The following LAMA3 variants were observed in gnomAD, a reference collection of about 807,000 sequenced individuals.
LAMA3 encodes laminin subunit alpha-3.
In LAMA3, 281 loss-of-function variants were observed where a neutral mutation model predicts 402.0. That is an observed-to-expected ratio of 0.70 (90% confidence interval 0.63 to 0.77). The LOEUF is 0.77. LAMA3 is among the 30% of genes least tolerant of loss of function. LAMA3 has a pLI of 0.00. For synonymous variants in LAMA3, 1,431 were observed against 1,558.4 expected, an observed-to-expected ratio of 0.92 and a Z score of 1.93; for missense variants, 3,840 against 4,215.5, an observed-to-expected ratio of 0.91 and a Z score of 2.47.
At chr18:23,930,325 A>C (rs1335603358) in intron 64 of LAMA3, among the ~76,000 whole-genome samples, 1 of 152,250 alleles carries the variant, frequency 6.6e-6, no homozygotes, top group Non-Finnish European at 1.5e-5. Flanking sequence ...AAAAATTTAT[A>C]ATGACTGAAG....
At chr18:23,800,656 C>A (rs1003767181) in intron 12 of LAMA3, among the ~76,000 whole-genome samples, 3 of 152,130 alleles carry the variant, frequency 2.0e-5, no homozygotes, top group Non-Finnish European at 4.4e-5. Context: ...AGTTTCATAT[C>A]CATTAAGCAA....
rs201837968 is a variant in LAMA3 at position 23,912,383 on chromosome 18, CA to C, written c.7159-323del. On this transcript the variant is annotated intron_variant, in intron 55 of 74. Transcript: ENST00000313654. ...CTCCATAGATGTTAGTTCATCTGCA[CA>C]AAAACCTTCTAGGGTTGTAATTCAT... Among the ~76,000 whole-genome samples the C allele has an allele frequency of 6.7e-3, 1,021 of 152,112 alleles. 8 individuals are homozygous for C. The highest frequency in any genetic ancestry group is 0.01 in the Non-Finnish European group (702 of 67,976).
intron 1 of LAMA3, among the ~76,000 whole-genome samples, chr18:23,701,200 T>C (rs954540953): frequency 2.0e-5 from 3 of 152,192 alleles, no homozygotes; most frequent in African/African-American, 7.2e-5. Context: ...AACTCTCACT[T>C]CCTTTTTCCT....
In LAMA3 at chr18:23,751,108, G is replaced by GTTTTGTTACTTTA. The variant is rs1555684371; in HGVS notation, c.855+24_855+36dup. On this transcript the variant is annotated intron_variant, in intron 5 of 74. Transcript: ENST00000313654. ...CGGCGGGTGAGTAGTCAGAGCATTTGTTTTGTTACTTTATTTATTCATTTT... is the reference window on the plus strand; with the variant it reads ...CGGCGGGTGAGTAGTCAGAGCATTTGTTTTGTTACTTTATTTTGTTACTTTATTTATTCATTTT... The GTTTTGTTACTTTA allele has an allele frequency of 1.9e-6, 3 of 1,613,658 alleles. No individual in the cohort carries two copies. Among genetic ancestry groups the GTTTTGTTACTTTA allele is most frequent in the Non-Finnish European group, 2.5e-6 (3 of 1,179,666 alleles).
rs767473829 is a variant in LAMA3 at position 23,781,291 on chromosome 18, G to A, written c.1469-2732G>A. ...ACCTTGTATGGCAGCTGTGATGGAC[G>A]GACAGGGTGGTGCTCATGCCATCCT... On this transcript the variant is annotated intron_variant, in intron 11 of 74. Coordinates refer to ENST00000313654, the MANE Select transcript of LAMA3 (RefSeq NM_198129.4). 3.9e-5 allele frequency: 18 copies of A among 456,054 alleles called. 1 individual carries two copies. The highest frequency in any genetic ancestry group is 6.2e-5 in the Non-Finnish European group (14 of 226,870). The allele number at this position is 456,054 out of a possible 1,614,324, so 28.3% of individuals were successfully genotyped here.
chr18:23,951,318 C>T (rs1173977806), intron 72 of LAMA3, among the ~76,000 whole-genome samples: 1 of 152,252 alleles, frequency 6.6e-6, no homozygotes, highest in Non-Finnish European at 1.5e-5. Context: ...TTGCCTTCCA[C>T]ATCTCACATA....
At position 23,714,016 on chromosome 18, in the gene LAMA3, C is replaced by G; in HGVS notation, c.391C>G (p.Pro131Ala). 3 of 1,613,938 alleles carry G rather than the reference C, an allele frequency of 1.9e-6. No homozygotes were observed. Among genetic ancestry groups the G allele is most frequent in the Non-Finnish European group, 2.5e-6 (3 of 1,179,902 alleles). ...DGSERWWQSPPLSSGTQYNRV... is the reference protein window; with the variant it reads ...DGSERWWQSPALSSGTQYNRV... ...ATCTGAACGTTGGTGGCAAAGCCCT[C>G]CCCTGTCCTCAGGCACACAGTACAA... Residue 131 changes from proline to alanine, a missense_variant, in exon 2 of 75, where the codon CCC becomes GCC. Pro to Ala is a conservative substitution (Grantham distance 27, BLOSUM62 -1). Transcript: ENST00000313654.
At chr18:23,902,950 G>A (rs916005010) in intron 48 of LAMA3, 59 bp from the exon 49 acceptor site, 6 of 946,048 alleles carry the variant, frequency 6.3e-6, no homozygotes, top group Non-Finnish European at 1.0e-5. Context: ...CCATAAATTT[G>A]TCTATGCCTT....
chr18:23,827,615 AT>A, intron 23 of LAMA3, 148 bp downstream of exon 23: 1 of 916,472 alleles, frequency 1.1e-6, no homozygotes, highest in Non-Finnish European at 1.7e-6. Context: ...GAACTATCTG[AT>A]TTAGGGTGGG....
chr18:23,776,076 G>A (rs2062311913), intron 10 of LAMA3, among the ~76,000 whole-genome samples, 153 bp downstream of exon 10: 1 of 152,076 alleles, frequency 6.6e-6, no homozygotes, highest in African/African-American at 2.4e-5. Context: ...CTGAAAGTTT[G>A]GAATATAAAT....
chr18:23,736,836 A>G (rs2061483357), intron 2 of LAMA3, among the ~76,000 whole-genome samples: 1 of 152,070 alleles, frequency 6.6e-6, no homozygotes, highest in Non-Finnish European at 1.5e-5. Context: ...GCAGGGGAAG[A>G]CCTGTCATTG....
At chr18:23,817,592 G>GT (rs1459124090) in intron 18 of LAMA3, among the ~76,000 whole-genome samples, 1 of 152,184 alleles carries the variant, frequency 6.6e-6, no homozygotes, top group African/African-American at 2.4e-5. Context: ...GCACATGCCT[G>GT]TAGTCCTAGC....
rs756419367 is a variant in LAMA3, at chr18:23,698,984, G to A, written c.294+9007G>A. Reference sequence around the variant, plus strand: ...TGATGGCCAGGGTGCGGTGGCTCACGCCTGTAATCCTAACAGTTTGGGAGG... The same window carrying A: ...TGATGGCCAGGGTGCGGTGGCTCACACCTGTAATCCTAACAGTTTGGGAGG... On this transcript the variant is annotated intron_variant, in intron 1 of 74. Coordinates refer to ENST00000313654, the MANE Select transcript of LAMA3 (RefSeq NM_198129.4). 4.6e-5 allele frequency among the ~76,000 whole-genome samples: 7 copies of A among 151,838 alleles called. No individual in the cohort carries two copies. In the East Asian group the frequency reaches 7.7e-4, roughly 17 times the overall value.
chr18:23,772,571 C>T (rs750060818), intron 8 of LAMA3, among the ~76,000 whole-genome samples: 5 of 152,144 alleles, frequency 3.3e-5, no homozygotes, highest in Non-Finnish European at 5.9e-5. Flanking sequence ...GGTTTTAGAC[C>T]TCAACATTAA....
intron 2 of LAMA3, among the ~76,000 whole-genome samples, chr18:23,724,263 A>T (rs1219070170): frequency 6.6e-6 from 1 of 152,194 alleles, no homozygotes; most frequent in Non-Finnish European, 1.5e-5. Context: ...ATACATCTTT[A>T]TTTTCTACAA....
intron 2 of LAMA3, among the ~76,000 whole-genome samples, chr18:23,746,471 A>G (rs929292288): frequency 7.2e-5 from 11 of 152,158 alleles, no homozygotes; most frequent in Non-Finnish European, 1.3e-4. Flanking sequence ...GCCAAACAAC[A>G]TATCACATCA....
At chr18:23,861,561 C>G (rs2064221824) in intron 34 of LAMA3, 85 bp from the exon 35 acceptor site, 2 of 1,499,140 alleles carry the variant, frequency 1.3e-6, no homozygotes, top group African/African-American at 1.4e-5. Flanking sequence ...GCCCGTGGAG[C>G]TTTCTGTAGT....
At chr18:23,695,052 C>T (rs1051085430) in intron 1 of LAMA3, among the ~76,000 whole-genome samples, 6 of 152,204 alleles carry the variant, frequency 3.9e-5, no homozygotes, top group Non-Finnish European at 8.8e-5. Context: ...AACAATCTGT[C>T]TTCTGGAAGA....
intron 8 of LAMA3, among the ~76,000 whole-genome samples, chr18:23,772,784 T>C (rs2062229524): frequency 6.6e-6 from 1 of 152,230 alleles, no homozygotes; most frequent in African/African-American, 2.4e-5. Flanking sequence ...TGAAAGAACA[T>C]TGTCCTCCTA....
Sources: gnomAD v4.1 joint callset for allele counts (sites outside exome capture counted in the v4.1 genomes callset) on GRCh38, gnomAD v4.1.1 for gene constraint, MANE v1.5 for transcripts, NCBI Gene and HGNC (gene_info 2026-07-23, HGNC 2026-07-21) for gene names.